Variants in RHAG observed in about 807,000 individuals in gnomAD.
RHAG encodes the protein ammonium transporter Rh type A.
RHAG carries 25 observed loss-of-function variants against 42.4 expected under a neutral mutation model. The ratio of observed to expected loss-of-function variants is 0.59; its 90% CI spans 0.43 to 0.82. The LOEUF is 0.82. Among genes scored for constraint, RHAG ranks in the 40% least tolerant of loss-of-function variants. The probability of loss-of-function intolerance (pLI) is 0.00; values close to 1 mark genes in which losing one functional copy is unlikely to be tolerated. For missense variants in RHAG, 483 were observed against 504.6 expected, an observed-to-expected ratio of 0.96 and a Z score of 0.41; for synonymous variants, 182 against 177.7, an observed-to-expected ratio of 1.02 and a Z score of -0.19.
intron 5 of RHAG, among the ~76,000 whole-genome samples, chr6:49,613,045 T>C (rs530460535): frequency 6.6e-6 from 1 of 151,872 alleles, no homozygotes; most frequent in Non-Finnish European, 1.5e-5. Context: ...TGAGGACATT[T>C]GAGGATGAAG....
chr6:49,613,479 G>A (rs1581939329), intron 5 of RHAG, among the ~76,000 whole-genome samples: 1 of 152,138 alleles, frequency 6.6e-6, no homozygotes, highest in African/African-American at 2.4e-5. Flanking sequence ...TGAACTGTGC[G>A]ATTTTTCCTT....
intron 1 of RHAG, among the ~76,000 whole-genome samples, chr6:49,631,543 T>C (rs1348926713): frequency 6.6e-6 from 1 of 152,176 alleles, no homozygotes; most frequent in African/African-American, 2.4e-5. Flanking sequence ...ATTTGGCCTG[T>C]TGATGCCCCA....
At chr6:49,628,700 A>C (rs1192870130) in intron 1 of RHAG, among the ~76,000 whole-genome samples, 2 of 151,332 alleles carry the variant, frequency 1.3e-5, no homozygotes, top group African/African-American at 4.9e-5. Flanking sequence ...TTCAGGAGTG[A>C]AGCTGCAGAC....
chr6:49,634,870 A>G (rs1032208040), intron 1 of RHAG, among the ~76,000 whole-genome samples: 2 of 151,774 alleles, frequency 1.3e-5, no homozygotes, highest in African/African-American at 4.8e-5. Context: ...ACATTTTGAT[A>G]TGCATATACT....
chr6:49,614,481 CAT>C (rs1762619437), intron 5 of RHAG, among the ~76,000 whole-genome samples: 1 of 152,054 alleles, frequency 6.6e-6, no homozygotes, highest in South Asian at 2.1e-4. Flanking sequence ...GGATTACAGG[CAT>C]TAGCCACTGC....
chr6:49,636,740 C>G lies in RHAG; in HGVS notation c.73G>C (p.Glu25Gln), dbSNP rs755021125. 6.2e-7 allele frequency: 1 copy of G among 1,613,950 alleles called. No individual in the cohort carries two copies. Among genetic ancestry groups the G allele is most frequent in the South Asian group, 1.1e-5 (1 of 91,080 alleles). Residue 25 changes from glutamate (E) to glutamine (Q), a missense_variant, in exon 1 of 10, where the codon GAG (glutamate) becomes CAG (glutamine). Transcript: ENST00000371175. ...AMIVLFGLFV[E>Q]YETDQTVLEQ... Reference sequence around the variant, plus strand: ...AGAACAGTCTGGTCCGTTTCATACTCAACAAATAATCCAAATAAAACAATC... The same window carrying G: ...AGAACAGTCTGGTCCGTTTCATACTGAACAAATAATCCAAATAAAACAATC...
intron 5 of RHAG, among the ~76,000 whole-genome samples, chr6:49,613,665 T>C (rs1015749154): frequency 6.6e-6 from 1 of 152,184 alleles, no homozygotes; most frequent in African/African-American, 2.4e-5. Context: ...TACTGGTGTT[T>C]CTCTAGCTCA....
chr6:49,622,830 C>CT (rs775763178), intron 1 of RHAG, among the ~76,000 whole-genome samples: 29,258 of 129,426 alleles, frequency 0.23, 4,086 homozygotes, highest in East Asian at 0.34. Flanking sequence ...GAAAACCAGA[C>CT]TTTTTTTTTT....
chr6:49,620,689 G>A (rs1334823260), intron 1 of RHAG, among the ~76,000 whole-genome samples: 1 of 152,070 alleles, frequency 6.6e-6, no homozygotes, highest in Non-Finnish European at 1.5e-5. Context: ...ATGCCACCAT[G>A]CCCAGATAAT....
At chr6:49,617,186 G>T (rs62412398) in intron 3 of RHAG, among the ~76,000 whole-genome samples, 1 of 151,976 alleles carries the variant, frequency 6.6e-6, no homozygotes, top group Non-Finnish European at 1.5e-5. Flanking sequence ...TTGTTACCTT[G>T]GCTTAAAGAA....
intron 7 of RHAG, among the ~76,000 whole-genome samples, chr6:49,607,967 C>CT (rs559911461): frequency 2.6e-5 from 4 of 151,000 alleles, no homozygotes; most frequent in East Asian, 1.9e-4. Context: ...ACTCAGATTC[C>CT]TTTTTTTTTC....
At position 49,605,820 on chromosome 6, in the gene RHAG, G is replaced by A. The variant is rs373196411; in HGVS notation, c.1223C>T (p.Thr408Met). The A allele has an allele frequency of 5.1e-5, 83 of 1,612,984 alleles. No homozygotes were observed. Among genetic ancestry groups the A allele is most frequent in the Middle Eastern group, 1.7e-4 (1 of 6,048 alleles). ...DDSVYWKVPKTR is the reference protein window; with the variant it reads ...DDSVYWKVPKMR Reference sequence around the variant, plus strand: ...ATGGAACTGATTGTCAAGTTATCTCGTCTTAGGGACCTTTAAAAAAACAAG... The same window carrying A: ...ATGGAACTGATTGTCAAGTTATCTCATCTTAGGGACCTTTAAAAAAACAAG... The change falls in exon 10 of 10, where the codon ACG becomes ATG. Residue 408 changes from threonine (T) to methionine (M), a missense_variant. Physicochemically the swap from Thr to Met is moderately conservative, Grantham distance 81. Transcript: ENST00000371175.
At chr6:49,621,235 T>C (rs1297801302) in intron 1 of RHAG, among the ~76,000 whole-genome samples, 1 of 152,148 alleles carries the variant, frequency 6.6e-6, no homozygotes, top group East Asian at 1.9e-4. Flanking sequence ...AAAGACTTAT[T>C]CCTCTCATTT....
At chr6:49,622,012 G>T in intron 1 of RHAG, among the ~76,000 whole-genome samples, 1 of 147,518 alleles carries the variant, frequency 6.8e-6, no homozygotes, top group Non-Finnish European at 1.5e-5. Flanking sequence ...AGAGCACTCT[G>T]GTTCTGCCTG....
chr6:49,615,261 G>T (rs1430892112), intron 4 of RHAG: 4 of 274,082 alleles, frequency 1.5e-5, no homozygotes, highest in Non-Finnish European at 2.8e-5. Flanking sequence ...GGAGGATGTA[G>T]TTTCCTTTGG....
At chr6:49,609,433 T>C (rs1762530344) in intron 7 of RHAG, among the ~76,000 whole-genome samples, 2 of 152,228 alleles carry the variant, frequency 1.3e-5, no homozygotes, top group Non-Finnish European at 2.9e-5. Flanking sequence ...GAATTCTTAA[T>C]CATAGGCACC....
chr6:49,634,990 CTGTG>C (rs1328531868), intron 1 of RHAG, among the ~76,000 whole-genome samples: 1 of 112,812 alleles, frequency 8.9e-6, no homozygotes, highest in Non-Finnish European at 1.9e-5. Flanking sequence ...TTGTGTATAC[CTGTG>C]TGTGTCGGGG....
At position 49,619,220 on chromosome 6, in the gene RHAG, G is replaced by T; in HGVS notation, c.300C>A (p.Ile100=). The change falls in exon 2 of 10, where the codon ATC becomes ATA. Residue 100 remains isoleucine, a synonymous_variant. Coordinates refer to ENST00000371175, the MANE Select transcript of RHAG (RefSeq NM_000324.3). ...TAAATTTCTGTCCCTGGCTTTGCAG[G>T]ATTCCCTGTACAATAGTGCCCCACT... ...GLQWGTIVQG[I]LQSQGQKFNI... 1 of 1,614,066 alleles carries T rather than the reference G, an allele frequency of 6.2e-7. No homozygotes were observed. Among genetic ancestry groups the T allele is most frequent in the Non-Finnish European group, 8.5e-7 (1 of 1,179,988 alleles).
chr6:49,635,531 T>C (rs1282243396), intron 1 of RHAG, among the ~76,000 whole-genome samples: 3 of 152,302 alleles, frequency 2.0e-5, no homozygotes, highest in African/African-American at 7.2e-5. Context: ...GAATTTTTTC[T>C]GTTTTATTCT....
Sources: allele counts gnomAD v4.1 joint callset (sites outside exome capture counted in the v4.1 genomes callset), GRCh38; gene constraint gnomAD v4.1.1; transcripts MANE v1.5; gene names NCBI Gene and HGNC (gene_info 2026-07-23, HGNC 2026-07-21).